CHPF: variants seen among roughly 807,000 people sequenced by gnomAD.
CHPF encodes the protein chondroitin polymerizing factor.
CHPF carries 34 observed loss-of-function variants against 55.1 expected under a neutral mutation model. The observed-to-expected ratio is 0.62, with a 90% CI of 0.47 to 0.82. The LOEUF (loss-of-function observed/expected upper bound fraction) is 0.82. Among genes scored for constraint, CHPF ranks in the 40% least tolerant of loss-of-function variants. The pLI, the probability that CHPF is intolerant of heterozygous loss-of-function variation, is 0.00. For missense variants in CHPF, 961 were observed against 1,106.1 expected, an observed-to-expected ratio of 0.87 and a Z score of 1.86; for synonymous variants, 489 against 496.6, an observed-to-expected ratio of 0.98 and a Z score of 0.20.
chr2:219,539,517 G>T lies in CHPF; in HGVS notation c.2194C>A (p.Arg732=), dbSNP rs145929912. Residue 732 remains arginine, a synonymous_variant, in exon 4 of 4, where the codon CGG becomes AGG. Transcript: ENST00000243776. ...AGCCTCGCGCTGCACGTCTGGGCCC[G>T]GTAGCGCTGCAGCAGCGCCGGCTCC... ...AVEPALLQRY[R]AQTCSARLSE... 42 of 1,613,616 alleles carry T rather than the reference G, an allele frequency of 2.6e-5. No individual in the cohort carries two copies. In the African/African-American group the frequency reaches 5.3e-4, roughly 21 times the overall value.
At position 219,539,623 on chromosome 2, in the gene CHPF, T is replaced by C. The variant is rs746254529; in HGVS notation, c.2088A>G (p.Glu696=). 34 of 1,613,874 alleles carry C rather than the reference T, an allele frequency of 2.1e-5. No homozygotes were observed. Among genetic ancestry groups the C allele is most frequent in the Non-Finnish European group, 2.6e-5 (31 of 1,179,962 alleles). Residue 696 remains glutamate (E), a synonymous_variant, in exon 4 of 4, where the codon GAA becomes GAG. Coordinates refer to ENST00000243776, the MANE Select transcript of CHPF (RefSeq NM_024536.6). ...AARGRLAAAS[E]QEEELLESLD... ...GGCTCTCCAGCAGCTCCTCTTCTTG[T>C]TCTGAGGCTGCCGCCAGGCGCCCAC...
At position 219,543,209 on chromosome 2, in the gene CHPF, C is replaced by A. The variant is rs1695316418; in HGVS notation, c.314+16G>T. 3 of 1,508,608 alleles carry A rather than the reference C, an allele frequency of 2.0e-6. No homozygotes were observed. Among genetic ancestry groups the A allele is most frequent in the Non-Finnish European group, 2.6e-6 (3 of 1,140,090 alleles). 93.5% of individuals were successfully genotyped at this position (1,508,608 alleles called of 1,614,324 possible). A position where few individuals can be genotyped will look rare whatever the true frequency, so the allele number is the denominator to read the frequency against. ...GCCGCTGCCCAGGGGGTAGAGCGGGCGCAGCCGATCACTACCTGACGGCCT... is the reference window on the plus strand; with the variant it reads ...GCCGCTGCCCAGGGGGTAGAGCGGGAGCAGCCGATCACTACCTGACGGCCT... On this transcript the variant is annotated intron_variant, in intron 1 of 3. Transcript: ENST00000243776.
intron 1 of CHPF, among the ~76,000 whole-genome samples, chr2:219,542,671 C>G (rs538415424): frequency 3.9e-5 from 6 of 152,176 alleles, no homozygotes; most frequent in Non-Finnish European, 4.4e-5. Context: ...GAGGGGCAAA[C>G]TGCACTCAGG....
At position 219,543,704 on chromosome 2, in the gene CHPF, G is replaced by A; in HGVS notation, c.-166C>T. On this transcript the variant is annotated 5_prime_UTR_variant, in exon 1 of 4. Transcript: ENST00000243776. Reference sequence around the variant, plus strand: ...GCCAGCGGCCCGAGCCGAATCCCCGGAGCCGCGCCTCGATTCCCCTCCAGC... The same window carrying A: ...GCCAGCGGCCCGAGCCGAATCCCCGAAGCCGCGCCTCGATTCCCCTCCAGC... 1 of 465,028 alleles carries A rather than the reference G, an allele frequency of 2.2e-6. No individual in the cohort carries two copies. The highest frequency in any genetic ancestry group is 3.6e-5 in the East Asian group (1 of 27,828). 28.8% of individuals were successfully genotyped at this position (465,028 alleles called of 1,614,324 possible). A position where few individuals can be genotyped will look rare whatever the true frequency, so the allele number is the denominator to read the frequency against.
chr2:219,542,989 G>C, intron 1 of CHPF: 1 of 1,292,850 alleles, frequency 7.7e-7, no homozygotes, highest in Non-Finnish European at 9.8e-7. Flanking sequence ...CCATCGGGTC[G>C]AGCCGGTTTA....
Position 219,543,763 on chromosome 2 carries a change from G to C in CHPF, c.-225C>G. On this transcript the variant is annotated 5_prime_UTR_variant, in exon 1 of 4. Coordinates refer to ENST00000243776, the MANE Select transcript of CHPF (RefSeq NM_024536.6). ...TGGGCTGCGCAGGGTTCTTGCGCTC[G>C]GCACTGGAGCCTCAGCCGCGGCCGC... 1 of 449,850 alleles carries C rather than the reference G, an allele frequency of 2.2e-6. No individual in the cohort carries two copies. The highest frequency in any genetic ancestry group is 3.9e-6 in the Non-Finnish European group (1 of 256,550). 27.9% of individuals were successfully genotyped at this position (449,850 alleles called of 1,614,324 possible).
At position 219,539,252 on chromosome 2, in the gene CHPF, G is replaced by A. The variant is rs568427889; in HGVS notation, c.*131C>T. The A allele has an allele frequency of 7.6e-5, 65 of 855,236 alleles. No individual in the cohort carries two copies. Among genetic ancestry groups the A allele is most frequent in the Non-Finnish European group, 1.1e-4 (60 of 566,908 alleles). The allele number at this position is 855,236 out of a possible 1,614,324, so 53.0% of individuals were successfully genotyped here. ...GCCCAGGGACCCACAGAGCCAGAGA[G>A]GGGACCAGTGGGCCAGCTTGGGGTC... On this transcript the variant is annotated 3_prime_UTR_variant, in exon 4 of 4. Coordinates refer to ENST00000243776, the MANE Select transcript of CHPF (RefSeq NM_024536.6).
In CHPF at chr2:219,540,607, A is replaced by C. The variant is rs373420565; in HGVS notation, c.1104T>G (p.Asp368Glu). 6.2e-7 allele frequency: 1 copy of C among 1,608,226 alleles called. No individual in the cohort carries two copies. Among genetic ancestry groups the C allele is most frequent in the Non-Finnish European group, 8.5e-7 (1 of 1,177,386 alleles). The change falls in exon 4 of 4, where the codon GAT becomes GAG. Residue 368 changes from aspartate to glutamate, a missense_variant. Transcript: ENST00000243776. The part of the protein sequence containing the change: ...EIQNTSHLAV[D>E]GDQAAAWPVG... ...CGGGCCAAGCAGCTGCCTGGTCCCC[A>C]TCAACGGCCAGATGGCTGGTATTCT...
At chr2:219,540,668 C>T (rs375607482) in intron 3 of CHPF, 26 bp from the exon 4 acceptor site, 9 of 1,557,568 alleles carry the variant, frequency 5.8e-6, no homozygotes, top group Non-Finnish European at 7.8e-6. Context: ...AGGCCATCAG[C>T]AAGGGACAGA....
In CHPF at chr2:219,542,149, G is replaced by C; in HGVS notation, c.355C>G (p.Leu119Val). 5 of 1,540,500 alleles carry C rather than the reference G, an allele frequency of 3.2e-6. No individual in the cohort carries two copies. The highest frequency in any genetic ancestry group is 4.4e-6 in the Non-Finnish European group (5 of 1,149,004). The change falls in exon 2 of 4, where the codon CTG (leucine) becomes GTG (valine). Residue 119 changes from leucine (L) to valine (V), a missense_variant. Physicochemically the swap from Leu to Val is conservative, Grantham distance 32. Coordinates refer to ENST00000243776, the MANE Select transcript of CHPF (RefSeq NM_024536.6). ...ISTELGIRQR[L>V]LVAVLTSQTT... ...TGAGAGGTCAGCACCGCCACCAGCA[G>C]CCTCTGCCTGATGCCCAGCTCCGTG...
Position 219,543,285 on chromosome 2 carries a change from TC to T in CHPF, c.253del (p.Glu85SerfsTer40). 6.3e-7 allele frequency: 1 copy of T among 1,575,352 alleles called. No homozygotes were observed. The highest frequency in any genetic ancestry group is 8.5e-7 in the Non-Finnish European group (1 of 1,170,222). On this transcript the variant is annotated frameshift_variant, in exon 1 of 4. Transcript: ENST00000243776. LOFTEE classifies it high-confidence loss of function. The part of the protein sequence containing the change: ...GAGEGAGENW[E>X]PRVLPYHPAQ... Reference sequence around the variant, plus strand: ...AGGGTGGTAGGGCAAGACGCGCGGCTCCCAATTCTCCCCGGCGCCTTCGCCG... The same window carrying T: ...AGGGTGGTAGGGCAAGACGCGCGGCTCCAATTCTCCCCGGCGCCTTCGCCG...
chr2:219,543,620 G>C lies in CHPF; in HGVS notation c.-82C>G. On this transcript the variant is annotated 5_prime_UTR_variant, in exon 1 of 4. Coordinates refer to ENST00000243776, the MANE Select transcript of CHPF (RefSeq NM_024536.6). ...CTCCGAGGGGGCGGGACCGGGGAGGGGGCGGATCCGGAGGGCTCGGGCCCC... is the reference window on the plus strand; with the variant it reads ...CTCCGAGGGGGCGGGACCGGGGAGGCGGCGGATCCGGAGGGCTCGGGCCCC... 1 of 1,135,214 alleles carries C rather than the reference G, an allele frequency of 8.8e-7. No individual in the cohort carries two copies. The allele number at this position is 1,135,214 out of a possible 1,614,324, so 70.3% of individuals were successfully genotyped here. A position where few individuals can be genotyped will look rare whatever the true frequency, so the allele number is the denominator to read the frequency against.
Position 219,539,336 on chromosome 2 carries a change from G to C in CHPF, c.*47C>G. 6.6e-7 allele frequency: 1 copy of C among 1,522,500 alleles called. No individual in the cohort carries two copies. The highest frequency in any genetic ancestry group is 8.9e-7 in the Non-Finnish European group (1 of 1,129,936). 94.3% of individuals were successfully genotyped at this position (1,522,500 alleles called of 1,614,324 possible). Reference sequence around the variant, plus strand: ...AGGTGGCTCTGGTTTTGGGGGAGAAGTGGGGTGGGGTGTGGCCATGCCACG... The same window carrying C: ...AGGTGGCTCTGGTTTTGGGGGAGAACTGGGGTGGGGTGTGGCCATGCCACG... On this transcript the variant is annotated 3_prime_UTR_variant, in exon 4 of 4. Transcript: ENST00000243776.
rs749324523 is a variant in CHPF at position 219,539,490 on chromosome 2, T to C, written c.2221A>G (p.Ser741Gly). The C allele has an allele frequency of 1.2e-5, 20 of 1,613,570 alleles. No individual in the cohort carries two copies. In the Admixed American group the frequency reaches 1.8e-4, roughly 15 times the overall value. Residue 741 changes from serine to glycine, a missense_variant, in exon 4 of 4, where the codon AGT (serine) becomes GGT (glycine). Ser to Gly is a moderately conservative substitution (Grantham distance 56). Transcript: ENST00000243776. ...AGGCAGCGGTGGTACAGGTCCTCACTGAGCCTCGCGCTGCACGTCTGGGCC... is the reference window on the plus strand; with the variant it reads ...AGGCAGCGGTGGTACAGGTCCTCACCGAGCCTCGCGCTGCACGTCTGGGCC... The part of the protein sequence containing the change: ...YRAQTCSARL[S>G]EDLYHRCLQS...
intron 1 of CHPF, 25 bp downstream of exon 1, chr2:219,543,200 T>G: frequency 6.8e-7 from 1 of 1,479,636 alleles, no homozygotes; most frequent in Non-Finnish European, 8.9e-7. Flanking sequence ...GCCCAGGGGG[T>G]AGAGCGGGCG....
rs1695241666 is a variant in CHPF at position 219,540,325 on chromosome 2, T to C, written c.1386A>G (p.Glu462=). Residue 462 remains glutamate, a synonymous_variant, in exon 4 of 4, where the codon GAA becomes GAG. Transcript: ENST00000243776. ...CCTCCAGCTGCAAGTCCAGCGTGTA[T>C]TCCATACCCCGGGCCGGATCAAAGC... ...YRRFDPARGM[E]YTLDLQLEAL... The C allele has an allele frequency of 2.5e-6, 4 of 1,613,964 alleles. No homozygotes were observed. Among genetic ancestry groups the C allele is most frequent in the Non-Finnish European group, 3.4e-6 (4 of 1,179,970 alleles).
chr2:219,540,558 G>A lies in CHPF; in HGVS notation c.1153C>T (p.Pro385Ser), dbSNP rs750588111. The change falls in exon 4 of 4, where the codon CCG becomes TCG. Residue 385 changes from proline (P) to serine (S), a missense_variant. By Grantham distance (74) the Pro-to-Ser change is moderately conservative. Coordinates refer to ENST00000243776, the MANE Select transcript of CHPF (RefSeq NM_024536.6). Reference protein sequence around the residue: ...WPVGIPAPSRPASRFEVLRWD... With the variant: ...WPVGIPAPSRSASRFEVLRWD... The stretch of plus-strand genomic sequence containing the variant: ...CGCAGCACCTCAAAGCGGGAGGCCG[G>A]GCGGGATGGTGCTGGAATACCCACG... 1 of 1,613,852 alleles carries A rather than the reference G, an allele frequency of 6.2e-7. No homozygotes were observed. The highest frequency in any genetic ancestry group is 1.1e-5 in the South Asian group (1 of 91,058).
chr2:219,543,638 C>T lies in CHPF; in HGVS notation c.-100G>A, dbSNP rs1398275978. On this transcript the variant is annotated 5_prime_UTR_variant, in exon 1 of 4. Coordinates refer to ENST00000243776, the MANE Select transcript of CHPF (RefSeq NM_024536.6). The stretch of plus-strand genomic sequence containing the variant: ...GGGGAGGGGGCGGATCCGGAGGGCT[C>T]GGGCCCCGCGGGCGGGCCCGCTCCC... 1.4e-5 allele frequency: 13 copies of T among 925,964 alleles called. No homozygotes were observed. The highest frequency in any genetic ancestry group is 1.9e-5 in the Non-Finnish European group (13 of 693,902). The allele number at this position is 925,964 out of a possible 1,614,324, so 57.4% of individuals were successfully genotyped here.
At position 219,541,984 on chromosome 2, in the gene CHPF, T is replaced by C. The variant is rs1423291634; in HGVS notation, c.520A>G (p.Ile174Val). The change falls in exon 2 of 4, where the codon ATT becomes GTT. Residue 174 changes from isoleucine to valine, a missense_variant. Ile to Val is a conservative substitution (Grantham distance 29). This residue lies in a region of CHPF where 936 missense variants were observed against 1,058.4 expected (regional missense o/e 0.88). Transcript: ENST00000243776. ...CGCAGCGCCAGGTGCAGGTGTCCAA[T>C]GGGTCGCTCCTCGCCTAGCGTCACC... ...AVVTLGEERP[I>V]GHLHLALRHL... The C allele has an allele frequency of 8.1e-6, 13 of 1,609,208 alleles. No homozygotes were observed. Among genetic ancestry groups the C allele is most frequent in the Non-Finnish European group, 1.1e-5 (13 of 1,178,196 alleles).
Sources: gnomAD v4.1 joint callset for allele counts (sites outside exome capture counted in the v4.1 genomes callset) on GRCh38, gnomAD v4.1.1 for gene constraint, gnomAD v4.1.1 regional missense constraint, MANE v1.5 for transcripts, NCBI Gene and HGNC (gene_info 2026-07-23, HGNC 2026-07-21) for gene names.